Variants in COPS3 observed in about 807,000 individuals in gnomAD.
COPS3 encodes the protein COP9 signalosome subunit 3, also known as COP9 signalosome complex subunit 3.
In COPS3, 10 loss-of-function variants were observed where a neutral mutation model predicts 58.2. The observed-to-expected ratio is 0.17, with a 90% CI of 0.11 to 0.29. The LOEUF (loss-of-function observed/expected upper bound fraction) is 0.29. COPS3 is among the 10% of genes least tolerant of loss of function. COPS3 has a pLI of 1.00. For missense variants in COPS3, 333 were observed against 510.1 expected (o/e 0.65, Z 3.34); for synonymous variants, 187 against 181.7 (o/e 1.03, Z -0.24).
At position 17,263,510 on chromosome 17, in the gene COPS3, C is replaced by CTT. The variant is rs34755381; in HGVS notation, c.621+1290_621+1291dup. Among the ~76,000 whole-genome samples, 107 of 98,882 alleles carry CTT rather than the reference C, an allele frequency of 1.1e-3. 2 individuals carry two copies. The highest frequency in any genetic ancestry group is 3.7e-3 in the African/African-American group (91 of 24,518). 64.9% of individuals were successfully genotyped at this position (98,882 alleles called of 152,430 possible). A position where few individuals can be genotyped will look rare whatever the true frequency, so the allele number is the denominator to read the frequency against. On this transcript the variant is annotated intron_variant, in intron 6 of 11. Coordinates refer to ENST00000268717, the MANE Select transcript of COPS3 (RefSeq NM_003653.4). ...CACCTCACCCAGCCTCTTGCCTTTT[C>CTT]TTTTTTTTTTTTTTTTTTTTGAGAT...
intron 7 of COPS3, chr17:17,261,593 C>T: frequency 2.6e-6 from 1 of 390,630 alleles, no homozygotes; most frequent in Non-Finnish European, 5.0e-6. Flanking sequence ...GGCTCAGTGG[C>T]ACACACCTGT....
intron 8 of COPS3, among the ~76,000 whole-genome samples, chr17:17,256,660 G>C (rs920556946): frequency 6.6e-6 from 1 of 152,256 alleles, no homozygotes; most frequent in Middle Eastern, 3.4e-3. Context: ...GAGTGCAGAG[G>C]CGCAATCACA....
intron 6 of COPS3, among the ~76,000 whole-genome samples, chr17:17,262,492 G>A (rs960354259): frequency 5.3e-5 from 8 of 152,120 alleles, no homozygotes; most frequent in Admixed American, 4.6e-4. Context: ...CACTTTGAGA[G>A]GCCGAGGTGG....
At chr17:17,252,602 G>A (rs117649174) in intron 9 of COPS3, among the ~76,000 whole-genome samples, 4,389 of 152,348 alleles carry the variant, frequency 0.029, 90 homozygotes, top group Non-Finnish European at 0.046. Flanking sequence ...CCTCAGAGGA[G>A]AACCACTGCT....
At chr17:17,271,718 C>T (rs957374252) in intron 2 of COPS3, among the ~76,000 whole-genome samples, 6 of 148,440 alleles carry the variant, frequency 4.0e-5, no homozygotes, top group Non-Finnish European at 7.5e-5. Context: ...CCCAGCTACT[C>T]GGGAGGCTGA....
intron 4 of COPS3, 64 bp from the exon 5 acceptor site, chr17:17,268,041 T>C: frequency 6.3e-7 from 1 of 1,577,704 alleles, no homozygotes; most frequent in Non-Finnish European, 8.6e-7. Flanking sequence ...GATCTTATGT[T>C]GTCACTTATA....
intron 1 of COPS3, among the ~76,000 whole-genome samples, chr17:17,279,505 T>A (rs9891435): frequency 0.037 from 5,604 of 152,244 alleles, 314 homozygotes; most frequent in African/African-American, 0.12. Context: ...CCTGTGAACC[T>A]CATTTCTATT....
chr17:17,249,543 A>T (rs951076016), intron 9 of COPS3, among the ~76,000 whole-genome samples: 3 of 151,928 alleles, frequency 2.0e-5, no homozygotes, highest in Admixed American at 1.3e-4. Flanking sequence ...CCCAGGCTGG[A>T]GTGTAATGGC....
At chr17:17,267,269 C>T (rs1225312926) in intron 5 of COPS3, among the ~76,000 whole-genome samples, 24 of 142,976 alleles carry the variant, frequency 1.7e-4, no homozygotes, top group African/African-American at 4.4e-4. Flanking sequence ...ACCCGGGAGG[C>T]GGAGCTTGCA....
At chr17:17,263,510 CTTTTTTT>C (rs34755381) in intron 6 of COPS3, among the ~76,000 whole-genome samples, 2 of 98,872 alleles carry the variant, frequency 2.0e-5, no homozygotes, top group Non-Finnish European at 3.8e-5. Flanking sequence ...CTTGCCTTTT[CTTTTTTT>C]TTTTTTTTTT....
rs999265917 is a variant in COPS3, at chr17:17,275,219, T to G, written c.185+816A>C. ...AATTCTCATGCCTCAGCCACCTGAGTAGCTGGGACTACAGGCATGCGCCAA... is the reference window on the plus strand; with the variant it reads ...AATTCTCATGCCTCAGCCACCTGAGGAGCTGGGACTACAGGCATGCGCCAA... On this transcript the variant is annotated intron_variant, in intron 2 of 11. Coordinates refer to ENST00000268717, the MANE Select transcript of COPS3 (RefSeq NM_003653.4). 2.0e-5 allele frequency among the ~76,000 whole-genome samples: 3 copies of G among 151,502 alleles called. No homozygotes were observed. In the Admixed American group the frequency reaches 2.0e-4, roughly 10 times the overall value.
chr17:17,281,145 C>T lies in COPS3; in HGVS notation c.42G>A (p.Gln14=). The T allele has an allele frequency of 7.4e-6, 12 of 1,610,986 alleles. No individual in the cohort carries two copies. Among genetic ancestry groups the T allele is most frequent in the Non-Finnish European group, 1.0e-5 (12 of 1,178,784 alleles). ...CTAGGGCGTTACCTTGAGCTGAGAG[C>T]TGTCGGACACTGTTCACGAACTGCT... The part of the protein sequence containing the change: ...ALEQFVNSVR[Q]LSAQGQMTQL... Residue 14 remains glutamine (Q), a synonymous_variant, in exon 1 of 12, where the codon CAG becomes CAA. Coordinates refer to ENST00000268717, the MANE Select transcript of COPS3 (RefSeq NM_003653.4).
intron 7 of COPS3, 119 bp downstream of exon 7, chr17:17,261,847 C>T: frequency 2.5e-6 from 2 of 791,158 alleles, no homozygotes; most frequent in South Asian, 3.8e-5. Flanking sequence ...TGTCTGCTCA[C>T]CTGAAGCTGC....
At chr17:17,270,135 C>T (rs980640114) in intron 4 of COPS3, among the ~76,000 whole-genome samples, 1 of 150,874 alleles carries the variant, frequency 6.6e-6, no homozygotes, top group African/African-American at 2.4e-5. Flanking sequence ...CCAGCCTAGG[C>T]ATCAGAGCGA....
chr17:17,267,747 A>G, intron 5 of COPS3, 138 bp downstream of exon 5: 1 of 693,786 alleles, frequency 1.4e-6, no homozygotes, highest in Non-Finnish European at 2.2e-6. Flanking sequence ...AATGTAATAG[A>G]TGTACCTACA....
chr17:17,279,308 C>T (rs2048526529), intron 1 of COPS3, among the ~76,000 whole-genome samples: 1 of 152,148 alleles, frequency 6.6e-6, no homozygotes, highest in South Asian at 2.1e-4. Context: ...AGCCCTAGTT[C>T]TGTTTTGTAA....
At chr17:17,249,089 C>T (rs530130850) in intron 9 of COPS3, 50 bp from the exon 10 acceptor site, 9 of 962,980 alleles carry the variant, frequency 9.3e-6, no homozygotes, top group East Asian at 4.8e-5. Flanking sequence ...GACCTGAATG[C>T]TATATGAATA....
At chr17:17,264,750 T>G in intron 6 of COPS3, 52 bp downstream of exon 6, 1 of 1,527,304 alleles carries the variant, frequency 6.5e-7, no homozygotes, top group South Asian at 1.2e-5. Context: ...TGGGAGCACT[T>G]TTTTGATCAC....
intron 2 of COPS3, 77 bp downstream of exon 2, chr17:17,275,958 T>C (rs570091905): frequency 1.5e-6 from 2 of 1,346,070 alleles, no homozygotes; most frequent in Non-Finnish European, 2.0e-6. Flanking sequence ...TATAAATAAA[T>C]AAATAAAAAT....
Sources: gnomAD v4.1 joint callset for allele counts (sites outside exome capture counted in the v4.1 genomes callset) on GRCh38, gnomAD v4.1.1 for gene constraint, MANE v1.5 for transcripts, NCBI Gene and HGNC (gene_info 2026-07-23, HGNC 2026-07-21) for gene names.